Variants in PLA2G6 observed in about 807,000 individuals in gnomAD.
The protein encoded by PLA2G6 is 85/88 kDa calcium-independent phospholipase A2.
In PLA2G6, 62 loss-of-function variants were observed where a neutral mutation model predicts 83.8. The observed-to-expected ratio is 0.74, with a 90% CI of 0.60 to 0.91. PLA2G6 has a LOEUF of 0.91. Among genes scored for constraint, PLA2G6 ranks in the 40% least tolerant of loss-of-function variants. The pLI is 0.00. For missense variants in PLA2G6, 944 were observed against 1,102.0 expected, an observed-to-expected ratio of 0.86 and a Z score of 2.03; for synonymous variants, 417 against 449.8, an observed-to-expected ratio of 0.93 and a Z score of 0.92.
intron 1 of PLA2G6, 29 bp from the exon 2 acceptor site, chr22:38,169,500 C>T: frequency 1.5e-6 from 2 of 1,290,380 alleles, no homozygotes; most frequent in Non-Finnish European, 2.2e-6. Context: ...TCTGGTCAGC[C>T]AGGCACAGTC....
chr22:38,154,549 TG>T lies in PLA2G6; in HGVS notation c.210-8897del, dbSNP rs1282093715. Reference sequence around the variant, plus strand: ...GCAAGAGCCATAGTATTAGTAGGCTTGGGGTGCCCCCTAATGCAGATATGGC... The same window carrying T: ...GCAAGAGCCATAGTATTAGTAGGCTTGGGTGCCCCCTAATGCAGATATGGC... On this transcript the variant is annotated intron_variant, in intron 2 of 16. Coordinates refer to ENST00000332509, the MANE Select transcript of PLA2G6 (RefSeq NM_003560.4). 3.3e-5 allele frequency among the ~76,000 whole-genome samples: 5 copies of T among 152,388 alleles called. No individual in the cohort carries two copies. In the East Asian group the frequency reaches 9.6e-4, roughly 29 times the overall value.
At position 38,111,928 on chromosome 22, in the gene PLA2G6, G is replaced by T; in HGVS notation, c.*233C>A. The T allele has an allele frequency of 1.7e-6, 1 of 589,794 alleles. No individual in the cohort carries two copies. Among genetic ancestry groups the T allele is most frequent in the African/African-American group, 1.9e-5 (1 of 53,768 alleles). The allele number at this position is 589,794 out of a possible 1,614,324, so 36.5% of individuals were successfully genotyped here. On this transcript the variant is annotated 3_prime_UTR_variant, in exon 17 of 17. Coordinates refer to ENST00000332509, the MANE Select transcript of PLA2G6 (RefSeq NM_003560.4). ...TTGACAGTCAGGGAAAGGGGCCAAAGGGGGCTCTAGACTTTCCCAGCCTGG... is the reference window on the plus strand; with the variant it reads ...TTGACAGTCAGGGAAAGGGGCCAAATGGGGCTCTAGACTTTCCCAGCCTGG...
intron 1 of PLA2G6, among the ~76,000 whole-genome samples, chr22:38,176,771 C>T (rs1056970488): frequency 6.6e-6 from 1 of 152,146 alleles, no homozygotes; most frequent in African/African-American, 2.4e-5. Context: ...GGCGCGGTGG[C>T]TCACACCTGT....
Position 38,114,502 on chromosome 22 carries a change from C to T in PLA2G6, c.2035-848G>A, listed in dbSNP as rs531438031. Among the ~76,000 whole-genome samples, 21 of 152,312 alleles carry T rather than the reference C, an allele frequency of 1.4e-4. No homozygotes were observed. In the South Asian group the frequency reaches 2.9e-3, roughly 21 times the overall value. On this transcript the variant is annotated intron_variant, in intron 14 of 16. Transcript: ENST00000332509. Reference sequence around the variant, plus strand: ...GCCCGGCCGCTGCCTCTCTTATTTGCTTCCGAACAAGCTCTGCTGCCGATT... The same window carrying T: ...GCCCGGCCGCTGCCTCTCTTATTTGTTTCCGAACAAGCTCTGCTGCCGATT...
At position 38,140,019 on chromosome 22, in the gene PLA2G6, A is replaced by G; in HGVS notation, c.760T>C (p.Tyr254His). Reference protein sequence around the residue: ...ARCNIMGPNGYPIHSAMKFSQ... With the variant: ...ARCNIMGPNGHPIHSAMKFSQ... ...AACTTCATGGCCGAGTGGATGGGGT[A>G]GCCGTTGGGGCCCATGATGTTGCAC... Residue 254 changes from tyrosine (Y) to histidine (H), a missense_variant, in exon 5 of 17, where the codon TAC (tyrosine) becomes CAC (histidine). Coordinates refer to ENST00000332509, the MANE Select transcript of PLA2G6 (RefSeq NM_003560.4). 3.1e-6 allele frequency: 5 copies of G among 1,610,314 alleles called. No individual in the cohort carries two copies. Among genetic ancestry groups the G allele is most frequent in the Non-Finnish European group, 4.2e-6 (5 of 1,178,156 alleles).
At chr22:38,151,674 G>A (rs1266310678) in intron 2 of PLA2G6, among the ~76,000 whole-genome samples, 1 of 152,094 alleles carries the variant, frequency 6.6e-6, no homozygotes, top group Non-Finnish European at 1.5e-5. Flanking sequence ...CGTCTTGTTG[G>A]GTTTAAAATA....
At chr22:38,176,672 C>G (rs898130050) in intron 1 of PLA2G6, among the ~76,000 whole-genome samples, 6 of 152,208 alleles carry the variant, frequency 3.9e-5, no homozygotes, top group African/African-American at 1.4e-4. Context: ...TCCGTCCTCT[C>G]ACAAGGCCAC....
intron 1 of PLA2G6, among the ~76,000 whole-genome samples, chr22:38,179,444 G>A (rs1306059026): frequency 2.0e-5 from 3 of 152,050 alleles, no homozygotes; most frequent in African/African-American, 4.8e-5. Flanking sequence ...GGTGAAGAGT[G>A]GGGTCAGGGA....
chr22:38,115,625 G>A lies in PLA2G6; in HGVS notation c.1936C>T (p.Pro646Ser). The stretch of plus-strand genomic sequence containing the variant: ...CCACCGTCCAGGAAGCGCCCATTGG[G>A]TCGGAAGTAAGTAGGAGCTGCCCCG... Reference protein sequence around the residue: ...SSGAAPTYFRPNGRFLDGGLL... With the variant: ...SSGAAPTYFRSNGRFLDGGLL... Residue 646 changes from proline (P) to serine (S), a missense_variant, in exon 14 of 17, where the codon CCC becomes TCC. Pro to Ser is a moderately conservative substitution (Grantham distance 74). Transcript: ENST00000332509. 2 of 1,608,958 alleles carry A rather than the reference G, an allele frequency of 1.2e-6. No individual in the cohort carries two copies. Among genetic ancestry groups the A allele is most frequent in the Non-Finnish European group, 1.7e-6 (2 of 1,178,240 alleles).
At position 38,129,407 on chromosome 22, in the gene PLA2G6, C is replaced by T. The variant is rs764105141; in HGVS notation, c.1186+47G>A. Reference sequence around the variant, plus strand: ...CTTCCCTCCTCCTCGGTCCCTGTATCCACCCAACCCTCACCCCACTCCAGC... The same window carrying T: ...CTTCCCTCCTCCTCGGTCCCTGTATTCACCCAACCCTCACCCCACTCCAGC... On this transcript the variant is annotated intron_variant, in intron 8 of 16. Transcript: ENST00000332509. The T allele has an allele frequency of 4.5e-6, 6 of 1,319,812 alleles. No individual in the cohort carries two copies. In the African/African-American group the frequency reaches 7.3e-5, roughly 16 times the overall value. 81.8% of individuals were successfully genotyped at this position (1,319,812 alleles called of 1,614,324 possible).
chr22:38,121,968 C>A (rs1288258542), intron 11 of PLA2G6, among the ~76,000 whole-genome samples: 2 of 152,170 alleles, frequency 1.3e-5, no homozygotes, highest in East Asian at 3.9e-4. Flanking sequence ...GCTCACCCCG[C>A]AGGGCTATGG....
At chr22:38,143,502 C>T (rs576568063) in intron 3 of PLA2G6, 11 of 641,246 alleles carry the variant, frequency 1.7e-5, no homozygotes, top group African/African-American at 1.6e-4. Flanking sequence ...TTTGCTCACT[C>T]GTACAAGAGA....
At position 38,111,769 on chromosome 22, in the gene PLA2G6, G is replaced by A. The variant is rs1430557220; in HGVS notation, c.*392C>T. The A allele has an allele frequency of 2.9e-6, 1 of 348,468 alleles. No individual in the cohort carries two copies. Among genetic ancestry groups the A allele is most frequent in the Admixed American group, 3.9e-5 (1 of 25,508 alleles). 21.6% of individuals were successfully genotyped at this position (348,468 alleles called of 1,614,324 possible). The stretch of plus-strand genomic sequence containing the variant: ...GGGAGTGGGCTGCACCCACCAGGAA[G>A]CCTGGGAGTGCCCTTGCTGGGGGCT... On this transcript the variant is annotated 3_prime_UTR_variant, in exon 17 of 17. Transcript: ENST00000332509.
At chr22:38,171,189 AG>A (rs2090426910) in intron 1 of PLA2G6, among the ~76,000 whole-genome samples, 1 of 151,124 alleles carries the variant, frequency 6.6e-6, no homozygotes, top group African/African-American at 2.4e-5. Flanking sequence ...AAAAAAAAAA[AG>A]ATCATAACAA....
rs2086888566 is a variant in PLA2G6 at position 38,111,892 on chromosome 22, G to A, written c.*269C>T. ...CCTTAATGTTTGAGCTGATGGGGGA[G>A]TCAGTTGTCCTTGACAGTCAGGGAA... On this transcript the variant is annotated 3_prime_UTR_variant, in exon 17 of 17. Transcript: ENST00000332509. The A allele has an allele frequency of 7.5e-6, 4 of 529,904 alleles. No individual in the cohort carries two copies. The highest frequency in any genetic ancestry group is 1.4e-5 in the Non-Finnish European group (4 of 291,548). 32.8% of individuals were successfully genotyped at this position (529,904 alleles called of 1,614,324 possible).
Position 38,112,496 on chromosome 22 carries a change from G to T in PLA2G6, c.2276+8C>A. 6.4e-7 allele frequency: 1 copy of T among 1,552,016 alleles called. No homozygotes were observed. ...CGGGGCCAAGGGCTGGGGCGGCTGA[G>T]CCCTCACCTGAAGTACTGGATGCCG... On this transcript the variant is annotated splice_region_variant and intron_variant, in intron 16 of 16. Coordinates refer to ENST00000332509, the MANE Select transcript of PLA2G6 (RefSeq NM_003560.4).
intron 13 of PLA2G6, 183 bp downstream of exon 13, chr22:38,115,892 T>G: frequency 6.8e-7 from 1 of 1,475,338 alleles, no homozygotes; most frequent in Non-Finnish European, 9.0e-7. Context: ...CAGGGACTTT[T>G]CTAACCTGCC....
At chr22:38,129,779 C>A (rs1045647122) in intron 7 of PLA2G6, among the ~76,000 whole-genome samples, 4 of 152,160 alleles carry the variant, frequency 2.6e-5, no homozygotes, top group Non-Finnish European at 5.9e-5. Flanking sequence ...TTAAAAGCAC[C>A]CACAGGGGAG....
intron 2 of PLA2G6, among the ~76,000 whole-genome samples, chr22:38,151,396 C>T (rs1205168992): frequency 6.6e-6 from 1 of 152,006 alleles, no homozygotes; most frequent in East Asian, 1.9e-4. Flanking sequence ...TGAACCACCA[C>T]ACCTGGCTAA....
Sources: gnomAD v4.1 joint callset for allele counts (sites outside exome capture counted in the v4.1 genomes callset) on GRCh38, gnomAD v4.1.1 for gene constraint, MANE v1.5 for transcripts, NCBI Gene and HGNC (gene_info 2026-07-23, HGNC 2026-07-21) for gene names.